The following ADGRL2 variants were observed in gnomAD, a reference collection of about 807,000 sequenced individuals.
The protein encoded by ADGRL2 is calcium-independent alpha-latrotoxin receptor 2.
A neutral mutation model predicts 157.4 loss-of-function variants in ADGRL2; 44 were observed. The observed-to-expected ratio is 0.28, with a 90% CI of 0.22 to 0.36. The LOEUF is 0.36. Among genes scored for constraint, ADGRL2 ranks in the 10% least tolerant of loss-of-function variants. The pLI, the probability that ADGRL2 is intolerant of heterozygous loss-of-function variation, is 1.00. For synonymous variants in ADGRL2, 585 were observed against 624.7 expected (o/e 0.94, Z 0.95); for missense variants, 1,510 against 1,768.9 (o/e 0.85, Z 2.63).
At chr1:81,933,504 C>A (rs763969432) in intron 3 of ADGRL2, among the ~76,000 whole-genome samples, 1 of 152,144 alleles carries the variant, frequency 6.6e-6, no homozygotes. Context: ...TTAACTCTAC[C>A]TTTTCGCTTT....
intron 1 of ADGRL2, among the ~76,000 whole-genome samples, chr1:81,342,091 A>T (rs1295074778): frequency 1.3e-5 from 2 of 152,110 alleles, no homozygotes; most frequent in Non-Finnish European, 2.9e-5. Flanking sequence ...TGAAACAAAG[A>T]TTTTTTTGGA....
intron 13 of ADGRL2, among the ~76,000 whole-genome samples, chr1:81,967,099 A>G (rs775378456): frequency 1.3e-5 from 2 of 152,180 alleles, no homozygotes; most frequent in African/African-American, 2.4e-5. Flanking sequence ...GCAAGTTGAT[A>G]CTTACGTAAC....
chr1:81,392,046 C>T (rs993789084), intron 1 of ADGRL2, among the ~76,000 whole-genome samples: 1 of 152,154 alleles, frequency 6.6e-6, no homozygotes, highest in Non-Finnish European at 1.5e-5. Context: ...CGACTTGCAA[C>T]GAATGAGCTC....
intron 1 of ADGRL2, among the ~76,000 whole-genome samples, chr1:81,385,918 A>G (rs2076426500): frequency 6.6e-6 from 1 of 152,090 alleles, no homozygotes; most frequent in Admixed American, 6.6e-5. Flanking sequence ...GGTCTTTAGA[A>G]ACCAGGAAAA....
At position 81,640,559 on chromosome 1, in the gene ADGRL2, G is replaced by C. The variant is rs548121124; in HGVS notation, c.-143+59579G>C. Among the ~76,000 whole-genome samples, 14 of 151,972 alleles carry C rather than the reference G, an allele frequency of 9.2e-5. No homozygotes were observed. The South Asian group carries it at 1.2e-3, about 14-fold the overall frequency. Reference sequence around the variant, plus strand: ...AGGCAGGGGAATCACTTGAACCCGGGAGGCGGAGGTTGCAGTGAGCCAAGA... The same window carrying C: ...AGGCAGGGGAATCACTTGAACCCGGCAGGCGGAGGTTGCAGTGAGCCAAGA... On this transcript the variant is annotated intron_variant, in intron 3 of 24. Transcript: ENST00000370721.
chr1:81,816,085 A>T (rs1217338069), intron 1 of ADGRL2, among the ~76,000 whole-genome samples: 1 of 151,870 alleles, frequency 6.6e-6, no homozygotes, highest in East Asian at 1.9e-4. Flanking sequence ...GAATATTGAA[A>T]ATCTTGTAGA....
At chr1:81,316,542 GA>G (rs1660120328) in intron 1 of ADGRL2, among the ~76,000 whole-genome samples, 1 of 152,070 alleles carries the variant, frequency 6.6e-6, no homozygotes, top group African/African-American at 2.4e-5. Context: ...CTTTAAAGAG[GA>G]AAATAATGAA....
intron 1 of ADGRL2, among the ~76,000 whole-genome samples, chr1:81,443,528 C>T (rs1435071443): frequency 6.6e-6 from 1 of 152,124 alleles, no homozygotes; most frequent in East Asian, 1.9e-4. Flanking sequence ...GAGACAGTGT[C>T]TGATTTTCTA....
chr1:81,805,058 T>C (rs528293695), intron 1 of ADGRL2, among the ~76,000 whole-genome samples: 2 of 152,310 alleles, frequency 1.3e-5, no homozygotes, highest in East Asian at 3.9e-4. Flanking sequence ...GATAATTCTG[T>C]TTAAATATTG....
intron 2 of ADGRL2, among the ~76,000 whole-genome samples, chr1:81,532,867 T>C (rs2079634817): frequency 6.6e-6 from 1 of 151,594 alleles, no homozygotes; most frequent in African/African-American, 2.4e-5. Context: ...AAGGCCACAG[T>C]GAATCGTGAC....
At chr1:81,511,471 T>C (rs2079076594) in intron 2 of ADGRL2, among the ~76,000 whole-genome samples, 1 of 150,874 alleles carries the variant, frequency 6.6e-6, no homozygotes, top group African/African-American at 2.4e-5. Context: ...CAAATACTTC[T>C]CAACATACCA....
chr1:81,905,944 CAG>C (rs1433754974), intron 2 of ADGRL2, among the ~76,000 whole-genome samples: 2 of 124,478 alleles, frequency 1.6e-5, no homozygotes, highest in African/African-American at 7.0e-5. Context: ...GAGAAAAAAG[CAG>C]AGTGTGTGTG....
chr1:81,393,159 C>T (rs1264015073), intron 1 of ADGRL2, among the ~76,000 whole-genome samples: 2 of 152,104 alleles, frequency 1.3e-5, no homozygotes, highest in Admixed American at 6.6e-5. Context: ...TAGTTCCCTA[C>T]TCTCTCATTA....
chr1:81,971,318 A>G (rs1341481762), intron 16 of ADGRL2, among the ~76,000 whole-genome samples: 1 of 152,142 alleles, frequency 6.6e-6, no homozygotes, highest in Non-Finnish European at 1.5e-5. Flanking sequence ...ATACTGTGTG[A>G]GTTCTGTGCT....
At chr1:81,706,245 A>T (rs923406998) in intron 1 of ADGRL2, among the ~76,000 whole-genome samples, 2 of 151,978 alleles carry the variant, frequency 1.3e-5, no homozygotes, top group African/African-American at 4.8e-5. Context: ...AAATTTTTTT[A>T]AAAAGGGATG....
chr1:81,534,725 G>A (rs17106654), intron 2 of ADGRL2, among the ~76,000 whole-genome samples: 1,727 of 152,190 alleles, frequency 0.011, 30 homozygotes, highest in African/African-American at 0.039. Context: ...ACTACCTCCC[G>A]CTGGTCCTTC....
intron 2 of ADGRL2, among the ~76,000 whole-genome samples, chr1:81,571,036 T>C (rs1351863529): frequency 2.0e-5 from 3 of 151,938 alleles, no homozygotes; most frequent in Non-Finnish European, 2.9e-5. Context: ...AAATATATAG[T>C]AGGCCAGACT....
intron 2 of ADGRL2, among the ~76,000 whole-genome samples, chr1:81,494,347 A>T (rs1258208231): frequency 6.6e-6 from 1 of 152,180 alleles, no homozygotes; most frequent in Non-Finnish European, 1.5e-5. Context: ...CTGGAGGCTC[A>T]GTCCCTTATC....
chr1:81,553,608 C>G (rs1377885926), intron 2 of ADGRL2, among the ~76,000 whole-genome samples: 1 of 152,126 alleles, frequency 6.6e-6, no homozygotes, highest in Non-Finnish European at 1.5e-5. Context: ...CTGGCTATTA[C>G]CACTCATTTA....
Sources: allele counts gnomAD v4.1 joint callset (sites outside exome capture counted in the v4.1 genomes callset), GRCh38; gene constraint gnomAD v4.1.1; transcripts MANE v1.5; gene names NCBI Gene and HGNC (gene_info 2026-07-23, HGNC 2026-07-21).